Variants in MELK observed in about 807,000 individuals in gnomAD.
The protein encoded by MELK is pEg3 kinase.
In MELK, 81 loss-of-function variants were observed where a neutral mutation model predicts 85.0. The observed-to-expected ratio is 0.95, with a 90% CI of 0.80 to 1.15. The LOEUF (loss-of-function observed/expected upper bound fraction) is 1.15. Ranked by LOEUF, MELK falls within the 50% of genes most tolerant of loss-of-function variation. MELK has a pLI of 0.00. For synonymous variants in MELK, 252 were observed against 265.0 expected, an observed-to-expected ratio of 0.95 and a Z score of 0.48; for missense variants, 754 against 777.5, an observed-to-expected ratio of 0.97 and a Z score of 0.36.
intron 15 of MELK, among the ~76,000 whole-genome samples, chr9:36,670,075 T>A (rs1163184263): frequency 1.3e-5 from 2 of 152,192 alleles, no homozygotes; most frequent in Non-Finnish European, 2.9e-5. Context: ...GCTGGAGAAC[T>A]ACCTAGAAAG....
chr9:36,635,554 G>C (rs1829049379), intron 10 of MELK, among the ~76,000 whole-genome samples: 2 of 151,960 alleles, frequency 1.3e-5, no homozygotes, highest in South Asian at 4.2e-4. Flanking sequence ...ATGAGCCACT[G>C]CACCTAGCTG....
At chr9:36,605,161 T>C (rs1587401662) in intron 7 of MELK, among the ~76,000 whole-genome samples, 1 of 152,138 alleles carries the variant, frequency 6.6e-6, no homozygotes, top group Non-Finnish European at 1.5e-5. Flanking sequence ...AAAGTGTGGA[T>C]TACAGGCATG....
intron 11 of MELK, among the ~76,000 whole-genome samples, chr9:36,643,383 CAAAAA>C (rs1038810540): frequency 6.6e-6 from 1 of 150,916 alleles, no homozygotes; most frequent in Admixed American, 6.6e-5. Flanking sequence ...AACTCCATCT[CAAAAA>C]AAGAAAAAGA....
At chr9:36,651,970 G>A in intron 12 of MELK, 93 bp downstream of exon 12, 1 of 1,190,880 alleles carries the variant, frequency 8.4e-7, no homozygotes, top group Non-Finnish European at 1.1e-6. Context: ...GTGTCAAGGA[G>A]TCAGAGGCAA....
At chr9:36,669,506 A>G in intron 15 of MELK, 100 bp downstream of exon 15, 1 of 838,554 alleles carries the variant, frequency 1.2e-6, no homozygotes, top group Non-Finnish European at 1.8e-6. Flanking sequence ...CATCACATAG[A>G]TTCTGTTGGA....
chr9:36,663,429 A>G (rs1175844632), intron 13 of MELK, among the ~76,000 whole-genome samples: 2 of 152,138 alleles, frequency 1.3e-5, no homozygotes, highest in Admixed American at 6.5e-5. Context: ...TACAAGTACA[A>G]TTTTCTTAGA....
chr9:36,605,794 CTCTTTCTTT>C (rs1825420140), intron 7 of MELK, among the ~76,000 whole-genome samples: 1 of 151,422 alleles, frequency 6.6e-6, no homozygotes, highest in African/African-American at 2.4e-5. Context: ...TAACTGTTTT[CTCTTTCTTT>C]TCTTTCTTTG....
At chr9:36,661,304 G>A (rs1027811513) in intron 13 of MELK, among the ~76,000 whole-genome samples, 1 of 152,192 alleles carries the variant, frequency 6.6e-6, no homozygotes, top group Non-Finnish European at 1.5e-5. Flanking sequence ...CTAATACACA[G>A]AGTTCTGAAA....
At chr9:36,588,198 A>T (rs2135262911) in intron 3 of MELK, among the ~76,000 whole-genome samples, 1 of 149,840 alleles carries the variant, frequency 6.7e-6, no homozygotes, top group East Asian at 2.0e-4. Context: ...CTGGGATTAC[A>T]GACATGCGCC....
In MELK at chr9:36,596,809, C is replaced by T. The variant is rs1307722765; in HGVS notation, c.406-413C>T. Among the ~76,000 whole-genome samples, 3 of 151,168 alleles carry T rather than the reference C, an allele frequency of 2.0e-5. No individual in the cohort carries two copies. In the East Asian group the frequency reaches 5.9e-4, roughly 30 times the overall value. The stretch of plus-strand genomic sequence containing the variant: ...CCATGTTGGTCAGGCTGGTCTCGAA[C>T]TCCTGACCTCAGGTGATGTGCCTGC... On this transcript the variant is annotated intron_variant, in intron 5 of 17. Coordinates refer to ENST00000298048, the MANE Select transcript of MELK (RefSeq NM_014791.4).
At chr9:36,644,157 T>C (rs1304757607) in intron 11 of MELK, among the ~76,000 whole-genome samples, 1 of 151,930 alleles carries the variant, frequency 6.6e-6, no homozygotes, top group East Asian at 1.9e-4. Context: ...ATTTCTGGTG[T>C]TGGATTATTT....
chr9:36,606,678 T>G, intron 7 of MELK: 2 of 147,900 alleles, frequency 1.4e-5, no homozygotes, highest in Middle Eastern at 3.6e-3. Flanking sequence ...TATGGACATA[T>G]ATATGTATAC....
Position 36,661,283 on chromosome 9 carries a change from G to T in MELK, c.1176+3920G>T, listed in dbSNP as rs566117103. On this transcript the variant is annotated intron_variant, in intron 13 of 17. Coordinates refer to ENST00000298048, the MANE Select transcript of MELK (RefSeq NM_014791.4). ...TAGCTGTTTTCTATGAATAAATGCTGCGATCTTTGGCTAATACACAGAGTT... is the reference window on the plus strand; with the variant it reads ...TAGCTGTTTTCTATGAATAAATGCTTCGATCTTTGGCTAATACACAGAGTT... 2.0e-5 allele frequency among the ~76,000 whole-genome samples: 3 copies of T among 152,300 alleles called. No homozygotes were observed. The East Asian group carries it at 5.8e-4, about 29-fold the overall frequency.
chr9:36,607,283 C>G (rs2135828251), intron 7 of MELK, among the ~76,000 whole-genome samples: 1 of 152,280 alleles, frequency 6.6e-6, no homozygotes, highest in East Asian at 1.9e-4. Flanking sequence ...TCCAATCCAG[C>G]CCAGCCTACT....
Position 36,626,762 on chromosome 9 carries a change from A to G in MELK, c.667-3537A>G, listed in dbSNP as rs552775352. The stretch of plus-strand genomic sequence containing the variant: ...CACCTGAGGTCAGTAGTTCGAGATC[A>G]GCCTGACCAACATGGTGAAACCCTA... On this transcript the variant is annotated intron_variant, in intron 8 of 17. Coordinates refer to ENST00000298048, the MANE Select transcript of MELK (RefSeq NM_014791.4). 2.6e-5 allele frequency among the ~76,000 whole-genome samples: 4 copies of G among 152,170 alleles called. No individual in the cohort carries two copies. The South Asian group carries it at 8.3e-4, about 32-fold the overall frequency.
intron 13 of MELK, among the ~76,000 whole-genome samples, chr9:36,663,424 G>A (rs575492396): frequency 6.6e-6 from 1 of 152,212 alleles, no homozygotes; most frequent in East Asian, 1.9e-4. Context: ...TAGAGTACAA[G>A]TACAATTTTC....
intron 10 of MELK, among the ~76,000 whole-genome samples, chr9:36,642,418 CTTTTTTTTTTTT>C (rs34671966): frequency 3.2e-4 from 27 of 84,782 alleles, no homozygotes; most frequent in African/African-American, 5.1e-4. Flanking sequence ...TACAACAGAA[CTTTTTTTTTTTT>C]TTTTTTTTTT....
rs929961821 is a variant in MELK at position 36,637,734 on chromosome 9, G to A, written c.834+4534G>A. 3.3e-5 allele frequency among the ~76,000 whole-genome samples: 5 copies of A among 152,098 alleles called. No individual in the cohort carries two copies. In the East Asian group the frequency reaches 7.7e-4, roughly 23 times the overall value. ...AAATATCCTTCCCAGTAGCCAGCTC[G>A]TCTTGGAAAGATAGACTATACTTGC... On this transcript the variant is annotated intron_variant, in intron 10 of 17. Transcript: ENST00000298048.
intron 9 of MELK, among the ~76,000 whole-genome samples, chr9:36,631,154 A>G (rs1162350401): frequency 1.4e-5 from 2 of 147,354 alleles, no homozygotes; most frequent in Non-Finnish European, 3.0e-5. Context: ...AGTAGAGACG[A>G]GGTTTCACTA....
Sources: allele counts gnomAD v4.1 joint callset (sites outside exome capture counted in the v4.1 genomes callset), GRCh38; gene constraint gnomAD v4.1.1; transcripts MANE v1.5; gene names NCBI Gene and HGNC (gene_info 2026-07-23, HGNC 2026-07-21).